SLC14A2: variants seen among roughly 807,000 people sequenced by gnomAD.
SLC14A2 encodes the protein urea transporter 2.
In SLC14A2, 91 loss-of-function variants were observed where a neutral mutation model predicts 104.6. That is an observed-to-expected ratio of 0.87 (90% CI 0.73 to 1.04). The LOEUF is 1.04. SLC14A2 is among the 50% of genes least tolerant of loss of function. The probability of loss-of-function intolerance (pLI) is 0.00; values close to 1 mark genes in which losing one functional copy is unlikely to be tolerated. For synonymous variants in SLC14A2, 476 were observed against 466.4 expected (o/e 1.02, Z -0.27); for missense variants, 1,189 against 1,156.0 (o/e 1.03, Z -0.41).
At chr18:45,381,625 C>T (rs115512411) in intron 1 of SLC14A2, among the ~76,000 whole-genome samples, 1 of 152,276 alleles carries the variant, frequency 6.6e-6, no homozygotes, top group East Asian at 1.9e-4. Context: ...GGACTATAAG[C>T]TCCTCATAGG....
intron 2 of SLC14A2, among the ~76,000 whole-genome samples, chr18:45,504,074 G>A (rs2043244167): frequency 6.6e-6 from 1 of 152,190 alleles, no homozygotes; most frequent in South Asian, 2.1e-4. Context: ...AGATGGAAGG[G>A]AAGGAGGAGG....
chr18:45,426,730 C>CACACACACACACAT (rs1352896029), intron 1 of SLC14A2, among the ~76,000 whole-genome samples: 30 of 150,150 alleles, frequency 2.0e-4, no homozygotes, highest in African/African-American at 7.1e-4. Flanking sequence ...CACACACACA[C>CACACACACACACAT]ACATACATAC....
intron 1 of SLC14A2, among the ~76,000 whole-genome samples, chr18:45,288,756 C>CA (rs1373531783): frequency 2.6e-5 from 4 of 152,216 alleles, no homozygotes; most frequent in Non-Finnish European, 4.4e-5. Flanking sequence ...AGACAACCTG[C>CA]ACTTTTCCTC....
chr18:45,260,165 T>G (rs2084521361), intron 1 of SLC14A2, among the ~76,000 whole-genome samples: 1 of 152,198 alleles, frequency 6.6e-6, no homozygotes, highest in South Asian at 2.1e-4. Context: ...TAGGACCTTA[T>G]GAATCAATCC....
intron 1 of SLC14A2, among the ~76,000 whole-genome samples, chr18:45,311,149 TA>T (rs2085074713): frequency 1.3e-5 from 2 of 152,104 alleles, no homozygotes; most frequent in Admixed American, 6.5e-5. Flanking sequence ...CAGCACATAC[TA>T]AAAAGAAATG....
chr18:45,414,753 A>AT (rs2086252803), intron 1 of SLC14A2, among the ~76,000 whole-genome samples: 2 of 64,010 alleles, frequency 3.1e-5, no homozygotes, highest in African/African-American at 1.6e-4. Context: ...GTAAAAAAAA[A>AT]AAAAATATAT....
At chr18:45,535,203 G>A (rs545718805) in intron 2 of SLC14A2, among the ~76,000 whole-genome samples, 4 of 152,130 alleles carry the variant, frequency 2.6e-5, no homozygotes, top group Non-Finnish European at 4.4e-5. Flanking sequence ...TTCATTTGCC[G>A]GGGAAGGAGC....
chr18:45,354,003 C>A (rs1265139075), intron 1 of SLC14A2, among the ~76,000 whole-genome samples: 5 of 152,154 alleles, frequency 3.3e-5, no homozygotes, highest in Admixed American at 3.3e-4. Flanking sequence ...TTTGTGCTCT[C>A]CCTTCACCAT....
chr18:45,373,808 G>C (rs1334375384), intron 1 of SLC14A2, among the ~76,000 whole-genome samples: 1 of 152,146 alleles, frequency 6.6e-6, no homozygotes, highest in African/African-American at 2.4e-5. Flanking sequence ...CTATGCTTCG[G>C]TTCTCCTAAT....
chr18:45,410,950 A>T (rs533254198), intron 1 of SLC14A2, among the ~76,000 whole-genome samples: 4 of 152,214 alleles, frequency 2.6e-5, no homozygotes, highest in Non-Finnish European at 5.9e-5. Context: ...CCCATCCAGG[A>T]CCATAAACTT....
At chr18:45,663,665 C>T in intron 10 of SLC14A2, 120 bp from the exon 11 acceptor site, 1 of 1,101,464 alleles carries the variant, frequency 9.1e-7, no homozygotes, top group Non-Finnish European at 1.3e-6. Flanking sequence ...ACTACTCCAG[C>T]TTCAGGCTTC....
At chr18:45,636,549 C>T (rs887223437) in intron 5 of SLC14A2, among the ~76,000 whole-genome samples, 35 of 152,218 alleles carry the variant, frequency 2.3e-4, no homozygotes, top group African/African-American at 7.0e-4. Flanking sequence ...TATGCCATTG[C>T]AGCCTCCTCC....
At chr18:45,268,252 A>G (rs1253895097) in intron 1 of SLC14A2, among the ~76,000 whole-genome samples, 5 of 152,240 alleles carry the variant, frequency 3.3e-5, no homozygotes, top group African/African-American at 9.6e-5. Context: ...TAACACAAAT[A>G]TATGTCTAAG....
At chr18:45,632,876 A>G (rs973880024) in intron 5 of SLC14A2, among the ~76,000 whole-genome samples, 1 of 152,044 alleles carries the variant, frequency 6.6e-6, no homozygotes, top group Admixed American at 6.5e-5. Context: ...ACAGGGTTTC[A>G]CTGTGTTAGC....
chr18:45,286,662 A>T (rs1288509472), intron 1 of SLC14A2, among the ~76,000 whole-genome samples: 1 of 152,056 alleles, frequency 6.6e-6, no homozygotes, highest in Non-Finnish European at 1.5e-5. Flanking sequence ...TTTATAATTG[A>T]CATTCACAGT....
At chr18:45,268,187 T>C (rs904841145) in intron 1 of SLC14A2, among the ~76,000 whole-genome samples, 1 of 152,140 alleles carries the variant, frequency 6.6e-6, no homozygotes. Flanking sequence ...TAGAACAAAG[T>C]TGAAGCAAAT....
chr18:45,238,328 G>A (rs962449661), intron 1 of SLC14A2, among the ~76,000 whole-genome samples: 1 of 152,222 alleles, frequency 6.6e-6, no homozygotes, highest in Non-Finnish European at 1.5e-5. Flanking sequence ...CAAAATGAAA[G>A]GGCAGACTCT....
chr18:45,341,775 G>A (rs1012500552), intron 1 of SLC14A2, among the ~76,000 whole-genome samples: 1 of 151,660 alleles, frequency 6.6e-6, no homozygotes, highest in Non-Finnish European at 1.5e-5. Context: ...TTTTAATAAA[G>A]ACAGGTTTCA....
At chr18:45,505,457 T>C (rs1055627819) in intron 2 of SLC14A2, among the ~76,000 whole-genome samples, 3 of 152,186 alleles carry the variant, frequency 2.0e-5, no homozygotes, top group African/African-American at 7.2e-5. Context: ...AGGGTAATAT[T>C]CCCTGAGAAT....
Sources: gnomAD v4.1 joint callset for allele counts (sites outside exome capture counted in the v4.1 genomes callset) on GRCh38, gnomAD v4.1.1 for gene constraint, MANE v1.5 for transcripts, NCBI Gene and HGNC (gene_info 2026-07-23, HGNC 2026-07-21) for gene names.